RFX4: variants seen among roughly 807,000 people sequenced by gnomAD.
RFX4 encodes the protein transcription factor RFX4.
A neutral mutation model predicts 95.0 loss-of-function variants in RFX4; 10 were observed. The observed-to-expected ratio is 0.11, with a 90% CI of 0.06 to 0.18. The LOEUF (loss-of-function observed/expected upper bound fraction) is 0.18. Ranked by LOEUF, RFX4 falls within the 10% of genes least tolerant of loss-of-function variation. The pLI is 1.00. For missense variants in RFX4, 640 were observed against 922.0 expected, an observed-to-expected ratio of 0.69 and a Z score of 3.96; for synonymous variants, 321 against 340.7, an observed-to-expected ratio of 0.94 and a Z score of 0.64.
Position 106,583,648 on chromosome 12 carries a change from G to A in RFX4, c.43+285G>A, listed in dbSNP as rs536123045. On this transcript the variant is annotated intron_variant, in intron 1 of 17. Coordinates refer to ENST00000392842, the MANE Select transcript of RFX4 (RefSeq NM_213594.3). Reference sequence around the variant, plus strand: ...TGCCCTGGACACAAAGTTACGTAAAGATGCGCTGGCTCGCGGCGAGCTCGA... The same window carrying A: ...TGCCCTGGACACAAAGTTACGTAAAAATGCGCTGGCTCGCGGCGAGCTCGA... The A allele has an allele frequency of 3.0e-4, 94 of 314,560 alleles. No homozygotes were observed. The East Asian group carries it at 4.6e-3, about 15-fold the overall frequency. The allele number at this position is 314,560 out of a possible 1,614,324, so 19.5% of individuals were successfully genotyped here. A position where few individuals can be genotyped will look rare whatever the true frequency, so the allele number is the denominator to read the frequency against.
intron 8 of RFX4, among the ~76,000 whole-genome samples, chr12:106,704,873 AAGTCAAAG>A: frequency 6.6e-6 from 1 of 152,020 alleles, no homozygotes; most frequent in Middle Eastern, 3.4e-3. Context: ...CAGGGAGGAG[AAGTCAAAG>A]AGGCAAAGAA....
At chr12:106,696,618 G>C (rs1268750587) in intron 8 of RFX4, among the ~76,000 whole-genome samples, 172 bp downstream of exon 8, 2 of 152,034 alleles carry the variant, frequency 1.3e-5, no homozygotes, top group Non-Finnish European at 2.9e-5. Flanking sequence ...TAAATAAACT[G>C]TTAATATTTT....
intron 5 of RFX4, 38 bp from the exon 6 acceptor site, chr12:106,686,846 T>C (rs749408290): frequency 1.9e-6 from 3 of 1,552,016 alleles, no homozygotes; most frequent in South Asian, 2.3e-5. Context: ...TCTCTTTTTT[T>C]TTTTTTCTCT....
chr12:106,617,686 G>C (rs1026369877), intron 2 of RFX4, among the ~76,000 whole-genome samples: 6 of 152,112 alleles, frequency 3.9e-5, no homozygotes, highest in African/African-American at 1.4e-4. Flanking sequence ...ATGCACACTT[G>C]AAAAGAATGT....
At position 106,645,791 on chromosome 12, in the gene RFX4, C is replaced by T. The variant is rs766565066; in HGVS notation, c.191+6399C>T. Reference sequence around the variant, plus strand: ...TGATTCTTACTCAACAGTGACAGAACATTGCTTTCATAATGTGAGTTAGGT... The same window carrying T: ...TGATTCTTACTCAACAGTGACAGAATATTGCTTTCATAATGTGAGTTAGGT... On this transcript the variant is annotated intron_variant, in intron 3 of 17. Coordinates refer to ENST00000392842, the MANE Select transcript of RFX4 (RefSeq NM_213594.3). 1.2e-3 allele frequency: 806 copies of T among 679,352 alleles called. 1 individual carries two copies. The highest frequency in any genetic ancestry group is 1.7e-3 in the Non-Finnish European group (742 of 443,254). The allele number at this position is 679,352 out of a possible 1,614,324, so 42.1% of individuals were successfully genotyped here.
chr12:106,696,283 G>A lies in RFX4; in HGVS notation c.670G>A (p.Val224Ile). 1 of 1,614,178 alleles carries A rather than the reference G, an allele frequency of 6.2e-7. No homozygotes were observed. Among genetic ancestry groups the A allele is most frequent in the South Asian group, 1.1e-5 (1 of 91,072 alleles). Residue 224 changes from valine (V) to isoleucine (I), a missense_variant and splice_region_variant, in exon 8 of 18, where the codon GTT becomes ATT. Physicochemically the swap from Val to Ile is conservative, Grantham distance 29. Coordinates refer to ENST00000392842, the MANE Select transcript of RFX4 (RefSeq NM_213594.3). ...DTVIRANFDE[V>I]QSFLLHFWQG... The stretch of plus-strand genomic sequence containing the variant: ...TTCTTCTCTCTGTGGGTCAATACAG[G>A]TTCAAAGTTTCCTTCTGCACTTTTG...
At position 106,608,880 on chromosome 12, in the gene RFX4, G is replaced by C. The variant is rs2039896625; in HGVS notation, c.127G>C (p.Glu43Gln). ...HTSLGNVSNDENEEKENNRAS... is the reference protein window; with the variant it reads ...HTSLGNVSNDQNEEKENNRAS... ...ATCTCTGGGGAATGTTTCTAATGAT[G>C]AAAGTAAGTGCTTGAAACTCATTCT... The change falls in exon 2 of 18, where the codon GAA becomes CAA. Residue 43 changes from glutamate (E) to glutamine (Q), a missense_variant. Coordinates refer to ENST00000392842, the MANE Select transcript of RFX4 (RefSeq NM_213594.3). 1.2e-6 allele frequency: 2 copies of C among 1,608,716 alleles called. No homozygotes were observed. Among genetic ancestry groups the C allele is most frequent in the Admixed American group, 1.7e-5 (1 of 59,186 alleles).
At chr12:106,617,335 T>C (rs2040093243) in intron 2 of RFX4, among the ~76,000 whole-genome samples, 1 of 152,202 alleles carries the variant, frequency 6.6e-6, no homozygotes. Context: ...GGTGCTTAGA[T>C]TATTGATTTT....
chr12:106,623,470 G>A (rs1477581044), intron 2 of RFX4, among the ~76,000 whole-genome samples: 1 of 152,196 alleles, frequency 6.6e-6, no homozygotes, highest in African/African-American at 2.4e-5. Flanking sequence ...CTTAGTGATT[G>A]ATCTGGAGTG....
intron 9 of RFX4, 37 bp from the exon 10 acceptor site, chr12:106,711,416 A>T (rs768911577): frequency 7.0e-6 from 11 of 1,581,526 alleles, no homozygotes; most frequent in South Asian, 5.5e-5. Context: ...ATCATAAAGC[A>T]TGCAAATATT....
intron 11 of RFX4, among the ~76,000 whole-genome samples, chr12:106,715,962 C>G (rs1203115289): frequency 6.6e-6 from 1 of 152,088 alleles, no homozygotes; most frequent in Non-Finnish European, 1.5e-5. Context: ...GGTAGGTGAA[C>G]CTTTCAATCA....
chr12:106,591,967 A>C lies in RFX4; in HGVS notation c.43+8604A>C, dbSNP rs150262954. On this transcript the variant is annotated intron_variant, in intron 1 of 17. Transcript: ENST00000392842. Reference sequence around the variant, plus strand: ...GTTACATTCTTGCTGTGTGACCCAGAGCAAATTATCTTACTTCTCTAAGCC... The same window carrying C: ...GTTACATTCTTGCTGTGTGACCCAGCGCAAATTATCTTACTTCTCTAAGCC... Among the ~76,000 whole-genome samples the C allele has an allele frequency of 4.4e-3, 674 of 152,306 alleles. 4 individuals carry two copies. The highest frequency in any genetic ancestry group is 0.016 in the African/African-American group (651 of 41,562).
chr12:106,704,619 C>T (rs2042049416), intron 8 of RFX4, among the ~76,000 whole-genome samples: 1 of 152,140 alleles, frequency 6.6e-6, no homozygotes, highest in South Asian at 2.1e-4. Flanking sequence ...CCTTCCTTTC[C>T]AACTCAGAAG....
In RFX4 at chr12:106,749,704, T is replaced by G. The variant is rs527389161; in HGVS notation, c.1797-951T>G. ...TATGTCTACACAGGACTTTCTGGTTTATGGAGTGTGTTCACACATACGATC... is the reference window on the plus strand; with the variant it reads ...TATGTCTACACAGGACTTTCTGGTTGATGGAGTGTGTTCACACATACGATC... On this transcript the variant is annotated intron_variant, in intron 16 of 17. Coordinates refer to ENST00000392842, the MANE Select transcript of RFX4 (RefSeq NM_213594.3). 2.6e-5 allele frequency among the ~76,000 whole-genome samples: 4 copies of G among 152,334 alleles called. No individual in the cohort carries two copies. In the East Asian group the frequency reaches 7.7e-4, roughly 29 times the overall value.
At chr12:106,676,967 C>T (rs533097099) in intron 4 of RFX4, among the ~76,000 whole-genome samples, 20 of 152,170 alleles carry the variant, frequency 1.3e-4, no homozygotes, top group Non-Finnish European at 2.2e-4. Context: ...TGGATGCATT[C>T]AAATCGCAGG....
intron 4 of RFX4, among the ~76,000 whole-genome samples, chr12:106,678,063 A>T (rs558405679): frequency 1.4e-4 from 22 of 152,246 alleles, no homozygotes; most frequent in Non-Finnish European, 2.2e-4. Flanking sequence ...GAAGGGAGTC[A>T]TAGATTAAAT....
At chr12:106,652,248 G>A (rs1244422507) in intron 3 of RFX4, among the ~76,000 whole-genome samples, 2 of 152,132 alleles carry the variant, frequency 1.3e-5, no homozygotes, top group Admixed American at 6.5e-5. Context: ...AACATTGCCT[G>A]GCACTTAGTA....
chr12:106,655,618 C>T (rs7974187), intron 4 of RFX4, among the ~76,000 whole-genome samples: 33,541 of 152,138 alleles, frequency 0.22, 3,870 homozygotes, highest in South Asian at 0.28. Flanking sequence ...ACAAACCCCT[C>T]GCAGAGGCCA....
intron 2 of RFX4, among the ~76,000 whole-genome samples, chr12:106,637,763 T>A (rs1388755153): frequency 1.3e-5 from 2 of 152,176 alleles, no homozygotes; most frequent in African/African-American, 2.4e-5. Flanking sequence ...TAAAAATTAA[T>A]CTGTTATTCA....
Sources: gnomAD v4.1 joint callset for allele counts (sites outside exome capture counted in the v4.1 genomes callset) on GRCh38, gnomAD v4.1.1 for gene constraint, MANE v1.5 for transcripts, NCBI Gene and HGNC (gene_info 2026-07-23, HGNC 2026-07-21) for gene names.